The following SNAP23 variants were observed in gnomAD, a reference collection of about 807,000 sequenced individuals.
SNAP23 encodes synaptosome associated protein 23, also known as synaptosomal-associated protein 23.
SNAP23 carries 11 observed loss-of-function variants against 29.0 expected under a neutral mutation model. The observed-to-expected ratio is 0.38, with a 90% CI of 0.24 to 0.63. The LOEUF is 0.63. Among genes scored for constraint, SNAP23 ranks in the 20% least tolerant of loss-of-function variants. The pLI is 0.58. For missense variants in SNAP23, 220 were observed against 253.9 expected (o/e 0.87, Z 0.91); for synonymous variants, 60 against 82.9 (o/e 0.72, Z 1.50).
At chr15:42,500,653 G>A (rs1467120930) in intron 1 of SNAP23, among the ~76,000 whole-genome samples, 1 of 151,990 alleles carries the variant, frequency 6.6e-6, no homozygotes, top group Non-Finnish European at 1.5e-5. Context: ...ACCTCCCAAA[G>A]TGCTGGGATT....
chr15:42,513,951 T>C (rs1567045143), intron 4 of SNAP23, among the ~76,000 whole-genome samples: 1 of 151,916 alleles, frequency 6.6e-6, no homozygotes, highest in Non-Finnish European at 1.5e-5. Flanking sequence ...GTAGCTGAGA[T>C]TACTGGTGCC....
intron 1 of SNAP23, among the ~76,000 whole-genome samples, chr15:42,510,801 A>G (rs1345453122): frequency 6.6e-6 from 1 of 152,058 alleles, no homozygotes; most frequent in Non-Finnish European, 1.5e-5. Flanking sequence ...TCTTTGCTGG[A>G]GGGCTTTCCT....
At chr15:42,508,587 ATGTGTCCTT>A (rs1053809138) in intron 1 of SNAP23, among the ~76,000 whole-genome samples, 3 of 152,130 alleles carry the variant, frequency 2.0e-5, no homozygotes, top group African/African-American at 7.2e-5. Context: ...CATGGAAAGG[ATGTGTCCTT>A]CAGAATGACC....
rs564760649 is a variant in SNAP23, at chr15:42,518,505, C to T, written c.266+3151C>T. Among the ~76,000 whole-genome samples, 16 of 148,556 alleles carry T rather than the reference C, an allele frequency of 1.1e-4. 1 individual carries two copies. The South Asian group carries it at 3.4e-3, about 32-fold the overall frequency. ...GGCTGGAGTGCAGTGGCAGTCATGGCTCACTGCAGCCTCAACCTATCCTCC... is the reference window on the plus strand; with the variant it reads ...GGCTGGAGTGCAGTGGCAGTCATGGTTCACTGCAGCCTCAACCTATCCTCC... On this transcript the variant is annotated intron_variant, in intron 5 of 7. Transcript: ENST00000249647.
chr15:42,526,244 C>A (rs1342069708), intron 5 of SNAP23, among the ~76,000 whole-genome samples: 1 of 152,088 alleles, frequency 6.6e-6, no homozygotes, highest in African/African-American at 2.4e-5. Context: ...TGGGACCTTT[C>A]TTATTATTAA....
At chr15:42,518,593 A>G (rs2057417610) in intron 5 of SNAP23, among the ~76,000 whole-genome samples, 2 of 151,606 alleles carry the variant, frequency 1.3e-5, no homozygotes, top group African/African-American at 2.4e-5. Flanking sequence ...CTAATTTTGT[A>G]TCTTTTGTAG....
intron 4 of SNAP23, 93 bp from the exon 5 acceptor site, chr15:42,515,144 T>G (rs2057388270): frequency 4.1e-6 from 3 of 723,414 alleles, no homozygotes; most frequent in Non-Finnish European, 7.1e-6. Context: ...ATTGGTAGAT[T>G]CAAGGTTGAA....
intron 5 of SNAP23, among the ~76,000 whole-genome samples, chr15:42,523,806 T>G (rs765022964): frequency 2.0e-5 from 3 of 151,734 alleles, no homozygotes; most frequent in Non-Finnish European, 4.4e-5. Context: ...GTTTTTTGTT[T>G]TTTGTTTGTT....
intron 1 of SNAP23, among the ~76,000 whole-genome samples, chr15:42,497,107 A>ATCTTGGCTTACTACAACCTCCAACACT (rs2057226085): frequency 6.8e-6 from 1 of 147,474 alleles, no homozygotes; most frequent in Non-Finnish European, 1.5e-5. Flanking sequence ...CAGTGGCGCG[A>ATCTTGGCTTACTACAACCTCCAACACT]TCTTGGCTTA....
chr15:42,497,569 G>T (rs143664564), intron 1 of SNAP23, among the ~76,000 whole-genome samples: 1 of 151,788 alleles, frequency 6.6e-6, no homozygotes, highest in Non-Finnish European at 1.5e-5. Flanking sequence ...GGTCTCAAAC[G>T]CCTGACCTCA....
In SNAP23 at chr15:42,531,563, G is replaced by T; in HGVS notation, c.*85G>T. On this transcript the variant is annotated 3_prime_UTR_variant, in exon 8 of 8. Coordinates refer to ENST00000249647, the MANE Select transcript of SNAP23 (RefSeq NM_003825.4). ...TACCTTTTCAGAGTTTAAGTTTTCG[G>T]TTCCACGCTCTTCTAATTGGGAGAT... is the stretch of plus-strand genomic sequence containing the variant. 2.0e-6 allele frequency: 2 copies of T among 996,340 alleles called. No homozygotes were observed. Among genetic ancestry groups the T allele is most frequent in the East Asian group, 2.5e-5 (1 of 39,656 alleles). 61.7% of individuals were successfully genotyped at this position (996,340 alleles called of 1,614,324 possible).
upstream of SNAP23, chr15:42,492,973 G>A (rs969280599): frequency 3.3e-5 from 5 of 152,188 alleles, no homozygotes; most frequent in African/African-American, 1.2e-4. Flanking sequence ...GCTAGATTAT[G>A]GTTTCTCAAC....
At chr15:42,519,590 G>C (rs1000941127) in intron 5 of SNAP23, among the ~76,000 whole-genome samples, 1 of 151,704 alleles carries the variant, frequency 6.6e-6, no homozygotes, top group Non-Finnish European at 1.5e-5. Flanking sequence ...GGATGGTCTT[G>C]AACTCCTGAC....
At chr15:42,520,542 T>G (rs1395317078) in intron 5 of SNAP23, among the ~76,000 whole-genome samples, 4 of 152,190 alleles carry the variant, frequency 2.6e-5, no homozygotes, top group African/African-American at 7.2e-5. Flanking sequence ...TTGCCCAGGC[T>G]GGAGTGCAGT....
chr15:42,531,695 T>C lies in SNAP23; in HGVS notation c.*217T>C, dbSNP rs1220898826. The C allele has an allele frequency of 7.3e-6, 3 of 413,716 alleles. No homozygotes were observed. The highest frequency in any genetic ancestry group is 1.3e-5 in the Non-Finnish European group (3 of 233,806). The allele number at this position is 413,716 out of a possible 1,614,324, so 25.6% of individuals were successfully genotyped here. A position where few individuals can be genotyped will look rare whatever the true frequency, so the allele number is the denominator to read the frequency against. On this transcript the variant is annotated 3_prime_UTR_variant, in exon 8 of 8. Coordinates refer to ENST00000249647, the MANE Select transcript of SNAP23 (RefSeq NM_003825.4). The stretch of plus-strand genomic sequence containing the variant: ...TTCTAGTATTTTCTTTCTCAATTCA[T>C]ACGCTTAGATTGGTTTTCATATGTC...
chr15:42,500,645 C>G (rs1395651043), intron 1 of SNAP23, among the ~76,000 whole-genome samples: 1 of 152,124 alleles, frequency 6.6e-6, no homozygotes, highest in African/African-American at 2.4e-5. Flanking sequence ...CTGCGTTGAC[C>G]TCCCAAAGTG....
At chr15:42,506,452 G>A (rs1287112434) in intron 1 of SNAP23, among the ~76,000 whole-genome samples, 1 of 152,162 alleles carries the variant, frequency 6.6e-6, no homozygotes, top group Non-Finnish European at 1.5e-5. Flanking sequence ...TGTTGCCTAG[G>A]CTGGTCTCAA....
intron 1 of SNAP23, among the ~76,000 whole-genome samples, chr15:42,496,468 G>C (rs1284969969): frequency 6.6e-6 from 1 of 152,200 alleles, no homozygotes; most frequent in Non-Finnish European, 1.5e-5. Flanking sequence ...TGTAATCCCA[G>C]CACTTTGGGA....
At chr15:42,513,079 G>T in intron 3 of SNAP23, 83 bp downstream of exon 3, 2 of 990,344 alleles carry the variant, frequency 2.0e-6, no homozygotes, top group South Asian at 1.3e-5. Context: ...AGTATTAAAG[G>T]GTAATGTATC....
Sources: allele counts gnomAD v4.1 joint callset (sites outside exome capture counted in the v4.1 genomes callset), GRCh38; gene constraint gnomAD v4.1.1; transcripts MANE v1.5; gene names NCBI Gene and HGNC (gene_info 2026-07-23, HGNC 2026-07-21).